Variants in STAG1 observed in about 807,000 individuals in gnomAD.
STAG1 encodes the protein STAG1 cohesin complex component.
STAG1 carries 26 observed loss-of-function variants against 170.9 expected under a neutral mutation model. The observed-to-expected ratio is 0.15, with a 90% CI of 0.11 to 0.21. STAG1 has a LOEUF of 0.21. STAG1 is among the 10% of genes least tolerant of loss of function. The pLI, the probability that STAG1 is intolerant of heterozygous loss-of-function variation, is 1.00. For missense variants in STAG1, 964 were observed against 1,509.5 expected, an observed-to-expected ratio of 0.64 and a Z score of 5.99; for synonymous variants, 514 against 497.7, an observed-to-expected ratio of 1.03 and a Z score of -0.44.
rs539309117 is a variant in STAG1, at chr3:136,557,036, C to G, written c.394+11729G>C. On this transcript the variant is annotated intron_variant, in intron 5 of 33. Transcript: ENST00000383202. ...ACTCTTGAATCCAGGGGTTCAAGAC[C>G]AGCTTGGGCAGCATGTTGAAACCCT... Among the ~76,000 whole-genome samples the G allele has an allele frequency of 1.8e-3, 278 of 152,134 alleles. 1 individual carries two copies. The highest frequency in any genetic ancestry group is 3.1e-3 in the Non-Finnish European group (213 of 67,994).
rs3072456 is a variant in STAG1 at position 136,375,969 on chromosome 3, AAAAT to A, written c.2370+1687_2370+1690del. Among the ~76,000 whole-genome samples, 601 of 124,592 alleles carry A rather than the reference AAAAT, an allele frequency of 4.8e-3. 16 individuals are homozygous for A. Among genetic ancestry groups the A allele is most frequent in the East Asian group, 0.045 (177 of 3,902 alleles). The allele number at this position is 124,592 out of a possible 152,430, so 81.7% of individuals were successfully genotyped here. ...GGGCAACAGTGGGAGACTCCGTCTC[AAAAT>A]AAATAAATAAATAAATAAATAAATA... is the stretch of plus-strand genomic sequence containing the variant. On this transcript the variant is annotated intron_variant, in intron 23 of 33. Coordinates refer to ENST00000383202, the MANE Select transcript of STAG1 (RefSeq NM_005862.3).
At chr3:136,744,920 C>T (rs1467172936) in intron 1 of STAG1, among the ~76,000 whole-genome samples, 1 of 152,176 alleles carries the variant, frequency 6.6e-6, no homozygotes, top group African/African-American at 2.4e-5. Flanking sequence ...AAGTGATCCA[C>T]CCGCCTCGGC....
intron 4 of STAG1, among the ~76,000 whole-genome samples, chr3:136,590,004 TC>T (rs1938077156): frequency 1.3e-5 from 2 of 151,630 alleles, no homozygotes; most frequent in African/African-American, 4.8e-5. Context: ...ACACCTATAA[TC>T]CCATCTACTA....
At chr3:136,571,739 G>A (rs1277872411) in intron 4 of STAG1, among the ~76,000 whole-genome samples, 1 of 151,840 alleles carries the variant, frequency 6.6e-6, no homozygotes, top group East Asian at 1.9e-4. Flanking sequence ...ATATTAGTGA[G>A]GAATGGTGGC....
chr3:136,373,444 G>T (rs1303817844), intron 23 of STAG1, among the ~76,000 whole-genome samples: 1 of 152,026 alleles, frequency 6.6e-6, no homozygotes, highest in Non-Finnish European at 1.5e-5. Flanking sequence ...TGATGTTACG[G>T]TGTCAATTTT....
intron 20 of STAG1, among the ~76,000 whole-genome samples, chr3:136,419,178 C>T (rs757258119): frequency 6.6e-6 from 1 of 152,082 alleles, no homozygotes; most frequent in Non-Finnish European, 1.5e-5. Flanking sequence ...GTCATTCTGA[C>T]ACTAGTAACT....
chr3:136,376,749 A>G (rs1002765271), intron 23 of STAG1, among the ~76,000 whole-genome samples: 2 of 152,070 alleles, frequency 1.3e-5, no homozygotes, highest in African/African-American at 4.8e-5. Context: ...AGGGTATGTC[A>G]TATGTCAGCT....
At chr3:136,646,338 C>G (rs182561541) in intron 1 of STAG1, among the ~76,000 whole-genome samples, 2 of 152,130 alleles carry the variant, frequency 1.3e-5, no homozygotes, top group Admixed American at 6.5e-5. Flanking sequence ...GTCCGTGGCT[C>G]CCTTTCTGAT....
chr3:136,411,272 ATATTT>A (rs1443719756), intron 21 of STAG1, among the ~76,000 whole-genome samples: 1 of 152,164 alleles, frequency 6.6e-6, no homozygotes, highest in African/African-American at 2.4e-5. Context: ...CAGGAAATTA[ATATTT>A]TATTTTTCCA....
chr3:136,538,309 G>A (rs1935738781), intron 6 of STAG1, among the ~76,000 whole-genome samples: 1 of 151,984 alleles, frequency 6.6e-6, no homozygotes, highest in African/African-American at 2.4e-5. Context: ...TGATTACCAA[G>A]GGTGGAAGGA....
Position 136,747,679 on chromosome 3 carries a change from C to CAAAAAAT in STAG1, c.-84+4509_-84+4515dup, listed in dbSNP as rs1321162833. Among the ~76,000 whole-genome samples, 7 of 151,018 alleles carry CAAAAAAT rather than the reference C, an allele frequency of 4.6e-5. No homozygotes were observed. In the East Asian group the frequency reaches 5.9e-4, roughly 13 times the overall value. On this transcript the variant is annotated intron_variant, in intron 1 of 33. Transcript: ENST00000383202. ...TGAGTGACAGAGAGAGACCCTGTCTCAAAAAATAAAAAATAAATTCCTTAA... is the reference window on the plus strand; with the variant it reads ...TGAGTGACAGAGAGAGACCCTGTCTCAAAAAATAAAAAATAAAAAATAAATTCCTTAA...
At position 136,369,144 on chromosome 3, in the gene STAG1, C is replaced by T. The variant is rs1185366085; in HGVS notation, c.2509G>A (p.Val837Ile). The change falls in exon 24 of 34, where the codon GTT becomes ATT. Residue 837 changes from valine (V) to isoleucine (I), a missense_variant. Physicochemically the swap from Val to Ile is conservative, Grantham distance 29. This residue lies in a region of STAG1 where 149 missense variants were observed against 301.3 expected (regional missense o/e 0.49). Coordinates refer to ENST00000383202, the MANE Select transcript of STAG1 (RefSeq NM_005862.3). Reference sequence around the variant, plus strand: ...TTCTCCTCGTCTTGGTCAATAAAAACGTGATCCATCACAAAACTGAGGAGT... The same window carrying T: ...TTCTCCTCGTCTTGGTCAATAAAAATGTGATCCATCACAAAACTGAGGAGT... ...SELLSFVMDHVFIDQDEENQS... is the reference protein window; with the variant it reads ...SELLSFVMDHIFIDQDEENQS... 8.8e-6 allele frequency: 14 copies of T among 1,583,356 alleles called. No homozygotes were observed. Among genetic ancestry groups the T allele is most frequent in the South Asian group, 1.2e-5 (1 of 85,256 alleles).
intron 9 of STAG1, among the ~76,000 whole-genome samples, chr3:136,497,910 AGGCC>A (rs1933211536): frequency 6.7e-6 from 1 of 148,350 alleles, no homozygotes; most frequent in African/African-American, 2.5e-5. Context: ...TATTACAGCT[AGGCC>A]GGGCCTGGTG....
At chr3:136,673,734 C>T (rs971045310) in intron 1 of STAG1, among the ~76,000 whole-genome samples, 3 of 152,126 alleles carry the variant, frequency 2.0e-5, no homozygotes, top group African/African-American at 7.2e-5. Flanking sequence ...GCATGAAAGA[C>T]ATGGTTATAA....
At position 136,540,822 on chromosome 3, in the gene STAG1, C is replaced by CAAAAAAAAAAAAAAAAAAAAAAAA. The variant is rs554338920; in HGVS notation, c.471+1273_471+1296dup. On this transcript the variant is annotated intron_variant, in intron 6 of 33. Transcript: ENST00000383202. ...GGGCGACAGAGTGAAACTGTGTCTC[C>CAAAAAAAAAAAAAAAAAAAAAAAA]AAAAAAAAAAAAAAAAAAAAAAAAA... Among the ~76,000 whole-genome samples the CAAAAAAAAAAAAAAAAAAAAAAAA allele has an allele frequency of 6.9e-4, 32 of 46,306 alleles. 3 individuals carry two copies. The highest frequency in any genetic ancestry group is 1.1e-3 in the Non-Finnish European group (26 of 22,636). The allele number at this position is 46,306 out of a possible 152,430, so 30.4% of individuals were successfully genotyped here.
chr3:136,674,048 G>C (rs1265021045), intron 1 of STAG1, among the ~76,000 whole-genome samples: 1 of 148,984 alleles, frequency 6.7e-6, no homozygotes, highest in East Asian at 2.0e-4. Flanking sequence ...GGTTGCAGTA[G>C]GCTGAAATCA....
Position 136,337,722 on chromosome 3 carries a change from CCA to C in STAG1, c.*530_*531del, listed in dbSNP as rs1236061127. The C allele has an allele frequency of 2.0e-5, 3 of 152,614 alleles. No individual in the cohort carries two copies. Among genetic ancestry groups the C allele is most frequent in the African/African-American group, 7.2e-5 (3 of 41,424 alleles). The allele number at this position is 152,614 out of a possible 1,614,324, so 9.5% of individuals were successfully genotyped here. ...GTTCTGCTCCTTCATTATTTGTGTT[CCA>C]CAAAGGTCAACCAAATCCAGTGAAC... On this transcript the variant is annotated 3_prime_UTR_variant, in exon 34 of 34. Coordinates refer to ENST00000383202, the MANE Select transcript of STAG1 (RefSeq NM_005862.3).
chr3:136,664,430 A>G (rs921940308), intron 1 of STAG1, among the ~76,000 whole-genome samples: 6 of 152,132 alleles, frequency 3.9e-5, no homozygotes, highest in African/African-American at 1.4e-4. Context: ...TCAGACACTA[A>G]AGCATTCCAC....
intron 9 of STAG1, among the ~76,000 whole-genome samples, chr3:136,478,071 T>A (rs1326579777): frequency 6.6e-6 from 1 of 152,190 alleles, no homozygotes; most frequent in Non-Finnish European, 1.5e-5. Context: ...ATTACACGCG[T>A]GAGCCACTGT....
Sources: allele counts gnomAD v4.1 joint callset (sites outside exome capture counted in the v4.1 genomes callset), GRCh38; gene constraint gnomAD v4.1.1; regional missense constraint gnomAD v4.1.1; transcripts MANE v1.5; gene names NCBI Gene and HGNC (gene_info 2026-07-23, HGNC 2026-07-21).